IFT88: variants seen among roughly 807,000 people sequenced by gnomAD.
The protein encoded by IFT88 is intraflagellar transport 88.
Under a neutral mutation model 119.5 loss-of-function variants are expected in IFT88, and 74 were observed. That is an observed-to-expected ratio of 0.62 (90% CI 0.51 to 0.75). The LOEUF is 0.75. Ranked by LOEUF, IFT88 falls within the 30% of genes least tolerant of loss-of-function variation. The probability of loss-of-function intolerance (pLI) is 0.00; values close to 1 mark genes in which losing one functional copy is unlikely to be tolerated. For synonymous variants in IFT88, 279 were observed against 316.7 expected (o/e 0.88, Z 1.26); for missense variants, 961 against 977.7 (o/e 0.98, Z 0.23).
At chr13:20,653,654 G>T (rs1311472217) in intron 20 of IFT88, among the ~76,000 whole-genome samples, 1 of 152,052 alleles carries the variant, frequency 6.6e-6, no homozygotes, top group Non-Finnish European at 1.5e-5. Context: ...TCTAAATAAA[G>T]GTATGAACTA....
chr13:20,630,399 A>G (rs1235629946), intron 15 of IFT88, among the ~76,000 whole-genome samples: 1 of 152,196 alleles, frequency 6.6e-6, no homozygotes, highest in Non-Finnish European at 1.5e-5. Flanking sequence ...GGTCTTCTAT[A>G]GGCTAGTCAG....
rs752650937 is a variant in IFT88 at position 20,596,965 on chromosome 13, AAAGTTGATGAACACTCAAAGG to A, written c.490-44_490-24del. 28 of 1,020,488 alleles carry A rather than the reference AAAGTTGATGAACACTCAAAGG, an allele frequency of 2.7e-5. No individual in the cohort carries two copies. The African/African-American group carries it at 4.4e-4, about 16-fold the overall frequency. 63.2% of individuals were successfully genotyped at this position (1,020,488 alleles called of 1,614,324 possible). On this transcript the variant is annotated intron_variant, in intron 8 of 25. Coordinates refer to ENST00000351808, the MANE Select transcript of IFT88 (RefSeq NM_006531.5). ...CATGTAGATATTTCTCAAATGCATA[AAAGTTGATGAACACTCAAAGG>A]AAGTTACAAGGTATAAATCTGATTT...
At chr13:20,589,275 A>G (rs948653901) in intron 3 of IFT88, among the ~76,000 whole-genome samples, 4 of 152,238 alleles carry the variant, frequency 2.6e-5, no homozygotes, top group Admixed American at 2.0e-4. Flanking sequence ...AATATTTCTA[A>G]CAGTTCTGCC....
chr13:20,641,289 G>A lies in IFT88; in HGVS notation c.1574-1G>A, dbSNP rs139905308. 5.7e-6 allele frequency: 9 copies of A among 1,573,218 alleles called. No homozygotes were observed. The African/African-American group carries it at 1.2e-4, about 21-fold the overall frequency. On this transcript the variant is annotated splice_acceptor_variant, in intron 17 of 25. Coordinates refer to ENST00000351808, the MANE Select transcript of IFT88 (RefSeq NM_006531.5). LOFTEE classifies it high-confidence loss of function. ...TTTCTTTTTTTTCTTCTTTTTTTAA[G>A]GCCTTACCTATGAGAAACTAAATCG...
At chr13:20,665,802 C>T (rs7983020) in intron 23 of IFT88, among the ~76,000 whole-genome samples, 99,379 of 152,034 alleles carry the variant, frequency 0.65, 33,467 homozygotes, top group Middle Eastern at 0.77. Flanking sequence ...GCTGTGGGAC[C>T]GAGAGGGGAA....
intron 11 of IFT88, among the ~76,000 whole-genome samples, chr13:20,599,915 G>A (rs572794414): frequency 4.6e-5 from 7 of 151,656 alleles, no homozygotes; most frequent in African/African-American, 1.4e-4. Flanking sequence ...CTCCCCTTAC[G>A]TTCTTGCTGT....
At chr13:20,602,901 T>C (rs973990807) in intron 12 of IFT88, among the ~76,000 whole-genome samples, 11 of 151,200 alleles carry the variant, frequency 7.3e-5, no homozygotes, top group African/African-American at 2.7e-4. Flanking sequence ...AAAAGTGAAA[T>C]AAATTCCTTA....
chr13:20,605,019 C>T lies in IFT88; in HGVS notation c.1042-16C>T, dbSNP rs943820681. 1.6e-6 allele frequency: 2 copies of T among 1,259,194 alleles called. No homozygotes were observed. Among genetic ancestry groups the T allele is most frequent in the Non-Finnish European group, 2.3e-6 (2 of 873,298 alleles). 78.0% of individuals were successfully genotyped at this position (1,259,194 alleles called of 1,614,324 possible). ...CTTCTGAATTATTCTTTTTTTCTTCCATTTTATTTTACCAGGATGATCCTC... is the reference window on the plus strand; with the variant it reads ...CTTCTGAATTATTCTTTTTTTCTTCTATTTTATTTTACCAGGATGATCCTC... On this transcript the variant is annotated splice_polypyrimidine_tract_variant and intron_variant, in intron 12 of 25. Transcript: ENST00000351808.
intron 16 of IFT88, 118 bp downstream of exon 16, chr13:20,631,220 C>T: frequency 1.4e-6 from 1 of 715,164 alleles, no homozygotes; most frequent in Non-Finnish European, 2.5e-6. Context: ...GGTAAGTGGA[C>T]TGAGGAGTAT....
intron 22 of IFT88, 78 bp from the exon 23 acceptor site, chr13:20,663,420 T>G (rs1223525639): frequency 6.4e-7 from 1 of 1,573,068 alleles, no homozygotes; most frequent in Admixed American, 1.8e-5. Context: ...CCCAAAAGAC[T>G]GAGTTCACTG....
At chr13:20,640,637 C>G (rs1457264874) in intron 17 of IFT88, among the ~76,000 whole-genome samples, 1 of 151,966 alleles carries the variant, frequency 6.6e-6, no homozygotes, top group Non-Finnish European at 1.5e-5. Context: ...GTCAGTTGTT[C>G]TGGCACCACT....
chr13:20,610,711 A>G (rs1459702648), intron 13 of IFT88, among the ~76,000 whole-genome samples: 1 of 152,160 alleles, frequency 6.6e-6, no homozygotes, highest in Non-Finnish European at 1.5e-5. Flanking sequence ...ACAGATTAAT[A>G]TCATACGAAT....
chr13:20,615,290 G>T (rs898809303), intron 13 of IFT88, among the ~76,000 whole-genome samples: 32 of 152,078 alleles, frequency 2.1e-4, no homozygotes, highest in African/African-American at 7.7e-4. Flanking sequence ...AAAGCACTTG[G>T]AAATTTTCCA....
At chr13:20,598,561 T>C (rs960923435) in intron 9 of IFT88, 90 bp from the exon 10 acceptor site, 9 of 669,556 alleles carry the variant, frequency 1.3e-5, no homozygotes, top group Non-Finnish European at 1.5e-5. Context: ...TAGCTAACTT[T>C]GTTATAGGAT....
At chr13:20,648,123 G>A (rs890018737) in intron 20 of IFT88, among the ~76,000 whole-genome samples, 5 of 152,170 alleles carry the variant, frequency 3.3e-5, no homozygotes, top group African/African-American at 7.2e-5. Context: ...CTGGCCAAGC[G>A]TGATGGCTTA....
intron 14 of IFT88, among the ~76,000 whole-genome samples, chr13:20,622,983 T>C (rs1165069331): frequency 6.6e-6 from 1 of 152,216 alleles, no homozygotes; most frequent in Non-Finnish European, 1.5e-5. Context: ...TTTGATTCAT[T>C]TTGAGTTAAT....
At chr13:20,643,688 A>C in intron 19 of IFT88, 83 bp downstream of exon 19, 3 of 880,060 alleles carry the variant, frequency 3.4e-6, no homozygotes, top group Non-Finnish European at 5.3e-6. Flanking sequence ...TTAAAATTTT[A>C]GAAGATCTTA....
At chr13:20,615,257 A>G (rs926744894) in intron 13 of IFT88, among the ~76,000 whole-genome samples, 1 of 152,238 alleles carries the variant, frequency 6.6e-6, no homozygotes, top group African/African-American at 2.4e-5. Context: ...ACCCACCACT[A>G]TAAATTGGTA....
At chr13:20,655,039 A>G (rs2052500282) in intron 21 of IFT88, among the ~76,000 whole-genome samples, 1 of 152,212 alleles carries the variant, frequency 6.6e-6, no homozygotes, top group Admixed American at 6.5e-5. Context: ...ATTTTAGGAA[A>G]GATCTTTGAC....
Sources: gnomAD v4.1 joint callset for allele counts (sites outside exome capture counted in the v4.1 genomes callset) on GRCh38, gnomAD v4.1.1 for gene constraint, MANE v1.5 for transcripts, NCBI Gene and HGNC (gene_info 2026-07-23, HGNC 2026-07-21) for gene names.